Variants in PCSK2 observed in about 807,000 individuals in gnomAD.
The protein encoded by PCSK2 is proprotein convertase subtilisin/kexin type 2, also known as neuroendocrine convertase 2.
PCSK2 carries 14 observed loss-of-function variants against 69.7 expected under a neutral mutation model. The observed-to-expected ratio is 0.20, with a 90% CI of 0.13 to 0.31. PCSK2 has a LOEUF of 0.31. Ranked by LOEUF, PCSK2 falls within the 10% of genes least tolerant of loss-of-function variation. The pLI is 1.00. For synonymous variants in PCSK2, 307 were observed against 320.7 expected (o/e 0.96, Z 0.46); for missense variants, 544 against 842.5 (o/e 0.65, Z 4.39).
chr20:17,412,143 T>A (rs2031889552), intron 6 of PCSK2, among the ~76,000 whole-genome samples: 1 of 152,172 alleles, frequency 6.6e-6, no homozygotes, highest in South Asian at 2.1e-4. Context: ...CCGCAGCTCC[T>A]CGACAGCAAC....
chr20:17,277,320 A>G (rs1988121577), intron 2 of PCSK2, among the ~76,000 whole-genome samples: 1 of 152,110 alleles, frequency 6.6e-6, no homozygotes, highest in Non-Finnish European at 1.5e-5. Context: ...TTCAAACTAT[A>G]CTACAAGGCT....
chr20:17,411,928 G>T (rs937626903), intron 6 of PCSK2, among the ~76,000 whole-genome samples: 5 of 152,212 alleles, frequency 3.3e-5, no homozygotes, highest in African/African-American at 1.2e-4. Context: ...ACAGCCTGCA[G>T]CTGAGGGACC....
intron 2 of PCSK2, among the ~76,000 whole-genome samples, chr20:17,327,655 G>C (rs529739801): frequency 6.6e-6 from 1 of 152,196 alleles, no homozygotes; most frequent in Non-Finnish European, 1.5e-5. Flanking sequence ...CGAAGTCACC[G>C]AGCAGCTGCT....
At position 17,465,393 on chromosome 20, in the gene PCSK2, G is replaced by A. The variant is rs780820865; in HGVS notation, c.1270G>A (p.Asp424Asn). 4 of 1,614,020 alleles carry A rather than the reference G, an allele frequency of 2.5e-6. No individual in the cohort carries two copies. The highest frequency in any genetic ancestry group is 2.2e-5 in the South Asian group (2 of 91,074). ...VLTSKRNQLH[D>N]EVHQWRRNGV... is the part of the protein sequence containing the mutation. ...CACCTCCAAACGGAACCAGCTTCAC[G>A]ACGAGGTCCATCAGTGGCGGCGCAA... is the stretch of plus-strand genomic sequence containing the variant. Residue 424 changes from aspartate to asparagine, a missense_variant, in exon 11 of 12, where the codon GAC (aspartate) becomes AAC (asparagine). Physicochemically the swap from Asp to Asn is conservative, Grantham distance 23. Around this residue, in one of 3 missense-constraint regions of PCSK2, gnomAD observed 200 missense variants for 287.8 expected, o/e 0.69. Coordinates refer to ENST00000262545, the MANE Select transcript of PCSK2 (RefSeq NM_002594.5).
chr20:17,456,711 C>T (rs1267213200), intron 10 of PCSK2, among the ~76,000 whole-genome samples: 5 of 152,242 alleles, frequency 3.3e-5, no homozygotes, highest in South Asian at 4.1e-4. Flanking sequence ...TAGCAACTTA[C>T]TCAGATACCC....
chr20:17,419,723 T>G (rs1174449461), intron 6 of PCSK2, among the ~76,000 whole-genome samples: 1 of 152,248 alleles, frequency 6.6e-6, no homozygotes, highest in African/African-American at 2.4e-5. Flanking sequence ...TCAATAATCT[T>G]GCAGCCCTGC....
intron 2 of PCSK2, among the ~76,000 whole-genome samples, chr20:17,275,484 A>C (rs892896310): frequency 6.6e-6 from 1 of 152,126 alleles, no homozygotes; most frequent in Non-Finnish European, 1.5e-5. Context: ...CTGGCAATCA[A>C]ATATGATAGA....
chr20:17,275,156 C>G (rs951290668), intron 2 of PCSK2, among the ~76,000 whole-genome samples: 2 of 150,062 alleles, frequency 1.3e-5, no homozygotes, highest in African/African-American at 4.9e-5. Context: ...ATAAAAGAGT[C>G]CCTTTCTTGT....
intron 8 of PCSK2, among the ~76,000 whole-genome samples, chr20:17,449,526 G>GTATATATATATATATA: frequency 4.0e-4 from 52 of 130,702 alleles, no homozygotes; most frequent in African/African-American, 1.5e-3. Flanking sequence ...ATGTATGTAT[G>GTATATATATATATATA]TATATATATA....
At chr20:17,236,651 A>G (rs1191407885) in intron 1 of PCSK2, among the ~76,000 whole-genome samples, 2 of 152,206 alleles carry the variant, frequency 1.3e-5, no homozygotes, top group Non-Finnish European at 2.9e-5. Flanking sequence ...TGTTACCACA[A>G]GTCCTTTTAT....
intron 6 of PCSK2, among the ~76,000 whole-genome samples, chr20:17,421,807 T>TAAAAAA (rs56376793): frequency 0.01 from 809 of 78,842 alleles, 19 homozygotes; most frequent in African/African-American, 0.014. Flanking sequence ...GGAAGAGAGG[T>TAAAAAA]AAAAAAAAAA....
intron 1 of PCSK2, among the ~76,000 whole-genome samples, chr20:17,243,906 T>C (rs573202825): frequency 5.3e-5 from 8 of 152,162 alleles, no homozygotes; most frequent in African/African-American, 1.9e-4. Flanking sequence ...AAAAAAGAAA[T>C]GACAACCACA....
At chr20:17,264,868 CTT>C in intron 2 of PCSK2, among the ~76,000 whole-genome samples, 1 of 150,904 alleles carries the variant, frequency 6.6e-6, no homozygotes, top group East Asian at 2.0e-4. Flanking sequence ...TTCTTTCTTT[CTT>C]TTTTTTTTCC....
chr20:17,232,160 C>T (rs562254497), intron 1 of PCSK2, among the ~76,000 whole-genome samples: 1 of 152,214 alleles, frequency 6.6e-6, no homozygotes, highest in Non-Finnish European at 1.5e-5. Flanking sequence ...GCTGTCCACA[C>T]TCAAAAGGAA....
At chr20:17,428,997 CAAAAAAAAAAAAAAAAA>C (rs60206058) in intron 6 of PCSK2, among the ~76,000 whole-genome samples, 28 of 36,956 alleles carry the variant, frequency 7.6e-4, no homozygotes, top group African/African-American at 4.2e-3. Flanking sequence ...GACTCTGTCT[CAAAAAAAAAAAAAAAAA>C]AAAAAAAAAA....
At chr20:17,455,392 T>A (rs1364178891) in intron 9 of PCSK2, among the ~76,000 whole-genome samples, 1 of 152,186 alleles carries the variant, frequency 6.6e-6, no homozygotes, top group Non-Finnish European at 1.5e-5. Context: ...GGTTTTTCAC[T>A]TTGTGAAAGT....
In PCSK2 at chr20:17,476,087, AT is replaced by A. The variant is rs375272621; in HGVS notation, c.1431-5494del. 9.7e-4 allele frequency among the ~76,000 whole-genome samples: 148 copies of A among 152,298 alleles called. 1 individual carries two copies. Among genetic ancestry groups the A allele is most frequent in the African/African-American group, 3.4e-3 (141 of 41,562 alleles). ...TAGAAACCCTGTGATAGAATGTGTC[AT>A]TTCCCTCATACCTTGAGGTTCTGGA... On this transcript the variant is annotated intron_variant, in intron 11 of 11. Coordinates refer to ENST00000262545, the MANE Select transcript of PCSK2 (RefSeq NM_002594.5).
chr20:17,466,044 A>G (rs1424528996), intron 11 of PCSK2, among the ~76,000 whole-genome samples: 1 of 152,202 alleles, frequency 6.6e-6, no homozygotes, highest in African/African-American at 2.4e-5. Flanking sequence ...CCATTTACAT[A>G]GAACACAGAA....
At chr20:17,333,343 A>G (rs1246363002) in intron 2 of PCSK2, among the ~76,000 whole-genome samples, 3 of 152,226 alleles carry the variant, frequency 2.0e-5, no homozygotes, top group East Asian at 1.9e-4. Context: ...GTTTACAAAG[A>G]AAAAGCAAGT....
Sources: allele counts gnomAD v4.1 joint callset (sites outside exome capture counted in the v4.1 genomes callset), GRCh38; gene constraint gnomAD v4.1.1; regional missense constraint gnomAD v4.1.1; transcripts MANE v1.5; gene names NCBI Gene and HGNC (gene_info 2026-07-23, HGNC 2026-07-21).